Variants in SYN3 observed in about 807,000 individuals in gnomAD.
SYN3 encodes synapsin III.
Under a neutral mutation model 65.8 loss-of-function variants are expected in SYN3, and 35 were observed. The observed-to-expected ratio is 0.53, with a 90% CI of 0.41 to 0.70. The LOEUF is 0.70. Among genes scored for constraint, SYN3 ranks in the 30% least tolerant of loss-of-function variants. SYN3 has a pLI of 0.00. For missense variants in SYN3, 680 were observed against 749.0 expected (o/e 0.91, Z 1.08); for synonymous variants, 270 against 292.9 (o/e 0.92, Z 0.80).
intron 6 of SYN3, among the ~76,000 whole-genome samples, chr22:32,848,935 TG>T (rs2146241184): frequency 6.6e-6 from 1 of 152,246 alleles, no homozygotes; most frequent in South Asian, 2.1e-4. Context: ...GAATGCTAAC[TG>T]GGGGCACTGT....
At chr22:32,835,789 C>T (rs1415250212) in intron 6 of SYN3, among the ~76,000 whole-genome samples, 3 of 152,184 alleles carry the variant, frequency 2.0e-5, no homozygotes, top group African/African-American at 7.2e-5. Context: ...CCAAGGTACC[C>T]TCAATCTGGC....
chr22:32,846,818 T>C (rs534788811), intron 6 of SYN3, among the ~76,000 whole-genome samples: 1 of 152,308 alleles, frequency 6.6e-6, no homozygotes, highest in African/African-American at 2.4e-5. Context: ...GATCATACAG[T>C]AATGGTGGAA....
intron 3 of SYN3, among the ~76,000 whole-genome samples, chr22:32,945,842 C>T (rs1281869337): frequency 2.0e-5 from 3 of 152,122 alleles, no homozygotes; most frequent in Non-Finnish European, 2.9e-5. Context: ...AACAAATTTA[C>T]AAGAAAAAAC....
intron 13 of SYN3, among the ~76,000 whole-genome samples, chr22:32,516,001 T>C (rs1263249970): frequency 1.3e-5 from 2 of 152,130 alleles, no homozygotes; most frequent in South Asian, 2.1e-4. Flanking sequence ...GGTTTCACTG[T>C]GTTAGCCAGG....
At chr22:32,789,760 A>T (rs1247489891) in intron 6 of SYN3, among the ~76,000 whole-genome samples, 1 of 152,244 alleles carries the variant, frequency 6.6e-6, no homozygotes, top group African/African-American at 2.4e-5. Context: ...AAATTCAATT[A>T]GCCCTGTCAA....
chr22:32,576,592 T>C (rs1244773410), intron 7 of SYN3, among the ~76,000 whole-genome samples: 1 of 152,198 alleles, frequency 6.6e-6, no homozygotes, highest in Non-Finnish European at 1.5e-5. Flanking sequence ...TTCTTGATTG[T>C]ACACTTCAGT....
chr22:32,650,200 T>C (rs2146942623), intron 6 of SYN3, among the ~76,000 whole-genome samples: 1 of 151,250 alleles, frequency 6.6e-6, no homozygotes, highest in Middle Eastern at 3.4e-3. Flanking sequence ...TATTCTAAGC[T>C]CTTTACACTT....
intron 6 of SYN3, among the ~76,000 whole-genome samples, chr22:32,699,240 G>A (rs1440462999): frequency 6.6e-6 from 1 of 152,180 alleles, no homozygotes; most frequent in Non-Finnish European, 1.5e-5. Context: ...GGCTTTACGT[G>A]ATGGAGGGCA....
chr22:32,934,316 C>T (rs935801796), intron 3 of SYN3, among the ~76,000 whole-genome samples: 3 of 152,170 alleles, frequency 2.0e-5, no homozygotes, highest in Non-Finnish European at 4.4e-5. Flanking sequence ...AGGGCTGTCT[C>T]GCTGCCCAAA....
chr22:32,984,477 A>T (rs911928124), intron 2 of SYN3, among the ~76,000 whole-genome samples: 5 of 152,082 alleles, frequency 3.3e-5, no homozygotes, highest in African/African-American at 1.2e-4. Flanking sequence ...CCCCTCCCCA[A>T]ATGGTTGTCC....
intron 3 of SYN3, among the ~76,000 whole-genome samples, chr22:32,969,332 C>T (rs975877029): frequency 2.6e-5 from 4 of 152,170 alleles, no homozygotes; most frequent in Admixed American, 6.5e-5. Flanking sequence ...TCAGAATCAG[C>T]GGGGCTCATT....
intron 6 of SYN3, among the ~76,000 whole-genome samples, chr22:32,813,335 T>C (rs1169774575): frequency 6.6e-6 from 1 of 152,162 alleles, no homozygotes; most frequent in Non-Finnish European, 1.5e-5. Flanking sequence ...TGGCAGTAAC[T>C]GTGGTGAACC....
intron 6 of SYN3, among the ~76,000 whole-genome samples, chr22:32,679,032 TTTTC>T (rs1324174722): frequency 6.7e-6 from 1 of 150,080 alleles, no homozygotes; most frequent in Non-Finnish European, 1.5e-5. Flanking sequence ...ACATTTTCTT[TTTTC>T]TTTGTTTCTT....
rs116136487 is a variant in SYN3, at chr22:32,695,559, G to C, written c.712-98823C>G. 2.1e-3 allele frequency among the ~76,000 whole-genome samples: 313 copies of C among 152,300 alleles called. 1 individual carries two copies. Among genetic ancestry groups the C allele is most frequent in the African/African-American group, 7.2e-3 (299 of 41,562 alleles). On this transcript the variant is annotated intron_variant, in intron 6 of 13. Transcript: ENST00000358763. ...AAGCATTCCCATGAGTATGAGGTCA[G>C]TGTGGGTCACCAGAAAGCCCCACAG... is the stretch of plus-strand genomic sequence containing the variant.
chr22:32,782,046 G>A (rs2046079024), intron 6 of SYN3, among the ~76,000 whole-genome samples: 3 of 151,350 alleles, frequency 2.0e-5, no homozygotes, highest in African/African-American at 7.3e-5. Context: ...TAGTAAGAAG[G>A]AAACAAAATA....
At chr22:32,581,792 C>CTTTTTTTTTTTTTTTTTTTTTT (rs10716395) in intron 7 of SYN3, among the ~76,000 whole-genome samples, 6 of 84,320 alleles carry the variant, frequency 7.1e-5, no homozygotes, top group African/African-American at 1.3e-4. Context: ...TTCTTTCTTT[C>CTTTTTTTTTTTTTTTTTTTTTT]TTTTTTTTTT....
At chr22:32,609,437 G>C (rs2059412264) in intron 6 of SYN3, among the ~76,000 whole-genome samples, 1 of 150,136 alleles carries the variant, frequency 6.7e-6, no homozygotes, top group African/African-American at 2.4e-5. Flanking sequence ...TACCTGTGCA[G>C]AAATATACTT....
chr22:32,690,545 A>G (rs1053156793), intron 6 of SYN3, among the ~76,000 whole-genome samples: 8 of 152,134 alleles, frequency 5.3e-5, no homozygotes, highest in Admixed American at 1.3e-4. Context: ...TGGGAGCAGC[A>G]GTTTCATCCC....
chr22:32,979,919 T>C (rs1032076185), intron 3 of SYN3, among the ~76,000 whole-genome samples: 6 of 152,114 alleles, frequency 3.9e-5, no homozygotes, highest in Admixed American at 3.9e-4. Flanking sequence ...TGCTCAAATG[T>C]GCTCTCCTAA....
Sources: gnomAD v4.1 joint callset for allele counts (sites outside exome capture counted in the v4.1 genomes callset) on GRCh38, gnomAD v4.1.1 for gene constraint, MANE v1.5 for transcripts, NCBI Gene and HGNC (gene_info 2026-07-23, HGNC 2026-07-21) for gene names.